The following TASOR variants were observed in gnomAD, a reference collection of about 807,000 sequenced individuals.
TASOR encodes the protein protein TASOR.
In TASOR, 53 loss-of-function variants were observed where a neutral mutation model predicts 178.6. The ratio of observed to expected loss-of-function variants is 0.30; its 90% CI spans 0.24 to 0.37. The LOEUF (loss-of-function observed/expected upper bound fraction) is 0.37, where lower values mean the gene tolerates loss of function less well. Among genes scored for constraint, TASOR ranks in the 10% least tolerant of loss-of-function variants. TASOR has a pLI of 1.00. For missense variants in TASOR, 1,815 were observed against 1,971.4 expected, an observed-to-expected ratio of 0.92 and a Z score of 1.50; for synonymous variants, 713 against 696.2, an observed-to-expected ratio of 1.02 and a Z score of -0.38.
chr3:56,643,538 G>A (rs1398636566), intron 14 of TASOR, among the ~76,000 whole-genome samples: 2 of 151,902 alleles, frequency 1.3e-5, no homozygotes, highest in Admixed American at 6.6e-5. Context: ...CGAGGCGGGC[G>A]GATCACAAGG....
At chr3:56,673,201 C>T (rs1274579016) in intron 2 of TASOR, among the ~76,000 whole-genome samples, 1 of 152,140 alleles carries the variant, frequency 6.6e-6, no homozygotes, top group Non-Finnish European at 1.5e-5. Flanking sequence ...ATATTAGTAA[C>T]AATTTAACAC....
chr3:56,660,828 TTC>T lies in TASOR; in HGVS notation c.1269_1270del (p.Lys424GlufsTer9). The stretch of plus-strand genomic sequence containing the variant: ...ATAAAGGCTGCAATACATTCCATTC[TTC>T]AAAACTGACATAAGAAAAATACATA... On this transcript the variant is annotated frameshift_variant, in exon 11 of 24. Transcript: ENST00000683822. LOFTEE classifies it high-confidence loss of function. 1.9e-6 allele frequency: 3 copies of T among 1,613,552 alleles called. No individual in the cohort carries two copies. Among genetic ancestry groups the T allele is most frequent in the Non-Finnish European group, 2.5e-6 (3 of 1,179,856 alleles).
At chr3:56,666,097 G>A (rs185998890) in intron 7 of TASOR, among the ~76,000 whole-genome samples, 163 bp downstream of exon 7, 19 of 151,530 alleles carry the variant, frequency 1.3e-4, no homozygotes, top group African/African-American at 4.1e-4. Context: ...TCTTCACACC[G>A]ACCATTTAAA....
chr3:56,625,561 C>A (rs941217552), intron 21 of TASOR, among the ~76,000 whole-genome samples: 1 of 152,322 alleles, frequency 6.6e-6, no homozygotes, highest in Admixed American at 6.5e-5. Context: ...GCAGAAGAAT[C>A]ACTTGAACCC....
At chr3:56,664,955 G>A (rs951774139) in intron 7 of TASOR, among the ~76,000 whole-genome samples, 1 of 152,158 alleles carries the variant, frequency 6.6e-6, no homozygotes, top group Non-Finnish European at 1.5e-5. Flanking sequence ...CAGGAGAACT[G>A]CTTGAGGCCA....
At chr3:56,667,876 A>G (rs1348981992) in intron 6 of TASOR, among the ~76,000 whole-genome samples, 2 of 152,264 alleles carry the variant, frequency 1.3e-5, no homozygotes, top group African/African-American at 4.8e-5. Flanking sequence ...ATATAGGTGT[A>G]GTATATGTCA....
intron 11 of TASOR, among the ~76,000 whole-genome samples, chr3:56,657,296 C>A (rs1056264233): frequency 6.6e-6 from 1 of 150,762 alleles, no homozygotes; most frequent in Admixed American, 6.6e-5. Context: ...CCACTGCACT[C>A]CAGCCCAGCA....
At position 56,682,825 on chromosome 3, in the gene TASOR, G is replaced by T. The variant is rs1370067265; in HGVS notation, c.182C>A (p.Ala61Glu). 6.5e-7 allele frequency: 1 copy of T among 1,550,338 alleles called. No individual in the cohort carries two copies. Among genetic ancestry groups the T allele is most frequent in the African/African-American group, 1.4e-5 (1 of 73,004 alleles). ...GAGGCTCTGGGCGGCCTCGGCCCCC[G>T]CGTTCTCCTCACGCCCAGCGCCGCC... ...PSGGAGREENAGAEAAQSLSH... is the reference protein window; with the variant it reads ...PSGGAGREENEGAEAAQSLSH... Residue 61 changes from alanine to glutamate, a missense_variant, in exon 1 of 24, where the codon GCG becomes GAG. Ala to Glu is a moderately radical substitution (Grantham distance 107, BLOSUM62 -1). Transcript: ENST00000683822.
Position 56,620,980 on chromosome 3 carries a change from GTC to G in TASOR, c.*2055_*2056del, listed in dbSNP as rs1553717528. The G allele has an allele frequency of 2.1e-5, 3 of 140,508 alleles. No individual in the cohort carries two copies. The highest frequency in any genetic ancestry group is 4.6e-5 in the Non-Finnish European group (3 of 65,368). 8.7% of individuals were successfully genotyped at this position (140,508 alleles called of 1,614,324 possible). ...ATCCTGGCTAACACAGTGAAACCCT[GTC>G]TCTACTAAAAATACAAAAAGTTAGT... On this transcript the variant is annotated 3_prime_UTR_variant, in exon 24 of 24. Coordinates refer to ENST00000683822, the MANE Select transcript of TASOR (RefSeq NM_001365635.2).
At chr3:56,625,729 T>A (rs997462132) in intron 21 of TASOR, among the ~76,000 whole-genome samples, 9 of 152,176 alleles carry the variant, frequency 5.9e-5, no homozygotes, top group South Asian at 4.1e-4. Context: ...CTGTCGCCGA[T>A]TCTCCTGCCT....
chr3:56,646,501 A>G, intron 14 of TASOR, 21 bp downstream of exon 14: 2 of 1,559,276 alleles, frequency 1.3e-6, no homozygotes. Flanking sequence ...TGGCTGTTAT[A>G]AGAGCAATCT....
At chr3:56,648,557 G>C (rs1318334417) in intron 13 of TASOR, among the ~76,000 whole-genome samples, 1 of 148,558 alleles carries the variant, frequency 6.7e-6, no homozygotes, top group Non-Finnish European at 1.5e-5. Flanking sequence ...CTTGAACCTG[G>C]GAGGTGGAGG....
rs1368419241 is a variant in TASOR at position 56,623,408 on chromosome 3, C to G, written c.4642G>C (p.Glu1548Gln). Residue 1548 changes from glutamate to glutamine, a missense_variant, in exon 24 of 24, where the codon GAG becomes CAG. Transcript: ENST00000683822. The part of the protein sequence containing the change: ...GTDQKKNTQI[E>Q]LQSSPDVQNS... ...TGCACATCAGGAGACGATTGCAACT[C>G]AATTTGAGTATTCTTTTTTTGATCT... The G allele has an allele frequency of 6.2e-7, 1 of 1,613,746 alleles. No homozygotes were observed. The highest frequency in any genetic ancestry group is 1.1e-5 in the South Asian group (1 of 91,074).
At chr3:56,654,403 T>TGG (rs1559838476) in intron 11 of TASOR, among the ~76,000 whole-genome samples, 1 of 127,310 alleles carries the variant, frequency 7.9e-6, no homozygotes, top group African/African-American at 2.9e-5. Flanking sequence ...TGGGCGGGGT[T>TGG]GGGGGGTGGT....
chr3:56,633,347 A>G lies in TASOR; in HGVS notation c.3444T>C (p.Asp1148=). 1.9e-6 allele frequency: 3 copies of G among 1,614,202 alleles called. No individual in the cohort carries two copies. Among genetic ancestry groups the G allele is most frequent in the African/African-American group, 1.3e-5 (1 of 75,056 alleles). ...TTAAAGCCGAAGTGGAATGCTGCTC[A>G]TCAGAGTTGGTATCTTTCAAAGGAT... is the stretch of plus-strand genomic sequence containing the variant. The part of the protein sequence containing the change: ...CSDPLKDTNS[D]EQHSTSALTE... Residue 1148 remains aspartate, a synonymous_variant, in exon 18 of 24, where the codon GAT becomes GAC. Transcript: ENST00000683822.
chr3:56,674,876 T>C (rs2031140456), intron 1 of TASOR, among the ~76,000 whole-genome samples: 1 of 152,200 alleles, frequency 6.6e-6, no homozygotes, highest in Non-Finnish European at 1.5e-5. Flanking sequence ...TGGAGTGCAG[T>C]GACACAATCT....
At position 56,621,354 on chromosome 3, in the gene TASOR, G is replaced by T; in HGVS notation, c.*1683C>A. 2.4e-6 allele frequency: 1 copy of T among 410,436 alleles called. No individual in the cohort carries two copies. Among genetic ancestry groups the T allele is most frequent in the Non-Finnish European group, 4.4e-6 (1 of 229,256 alleles). The allele number at this position is 410,436 out of a possible 1,614,324, so 25.4% of individuals were successfully genotyped here. On this transcript the variant is annotated 3_prime_UTR_variant, in exon 24 of 24. Transcript: ENST00000683822. The stretch of plus-strand genomic sequence containing the variant: ...ATGCTAAAAACAGAATCTTACAAAT[G>T]TGATAGCTATATATCCAAATGAGGT...
Position 56,638,968 on chromosome 3 carries a change from A to C in TASOR, c.2765-203T>G, listed in dbSNP as rs571268793. On this transcript the variant is annotated intron_variant, in intron 16 of 23. Transcript: ENST00000683822. ...CCCAACACCAAGTATGAAGGTGTCTAAATGAGAAACGGTTAGGATAACCTT... is the reference window on the plus strand; with the variant it reads ...CCCAACACCAAGTATGAAGGTGTCTCAATGAGAAACGGTTAGGATAACCTT... Among the ~76,000 whole-genome samples the C allele has an allele frequency of 5.8e-4, 88 of 152,342 alleles. No individual in the cohort carries two copies. In the South Asian group the frequency reaches 0.018, roughly 32 times the overall value.
Position 56,646,592 on chromosome 3 carries a change from C to T in TASOR, c.2145G>A (p.Glu715=), listed in dbSNP as rs1399819010. 6.2e-7 allele frequency: 1 copy of T among 1,612,970 alleles called. No individual in the cohort carries two copies. Among genetic ancestry groups the T allele is most frequent in the African/African-American group, 1.3e-5 (1 of 75,022 alleles). ...RSKTVLKRKL[E]DLPENMRKLA... is the part of the protein sequence containing the mutation. ...GCTTTCTCATATTTTCAGGTAGATC[C>T]TCAAGCTTCCTCTTCAAGACAGTTT... Residue 715 remains glutamate (E), a synonymous_variant, in exon 14 of 24, where the codon GAG becomes GAA. Coordinates refer to ENST00000683822, the MANE Select transcript of TASOR (RefSeq NM_001365635.2).
Sources: allele counts gnomAD v4.1 joint callset (sites outside exome capture counted in the v4.1 genomes callset), GRCh38; gene constraint gnomAD v4.1.1; transcripts MANE v1.5; gene names NCBI Gene and HGNC (gene_info 2026-07-23, HGNC 2026-07-21).